FIGNL2: variants seen among roughly 807,000 people sequenced by gnomAD.
FIGNL2 encodes fidgetin-like protein 2.
For synonymous variants in FIGNL2, 565 were observed against 484.0 expected, an observed-to-expected ratio of 1.17 and a Z score of -2.20; for missense variants, 1,060 against 950.2, an observed-to-expected ratio of 1.12 and a Z score of -1.52.
At chr12:51,836,425 G>A (rs1489800345) in intron 1 of FIGNL2, among the ~76,000 whole-genome samples, 1 of 150,534 alleles carries the variant, frequency 6.6e-6, no homozygotes, top group Non-Finnish European at 1.5e-5. Flanking sequence ...AGGGAGAAAC[G>A]TGACCACAGT....
intron 1 of FIGNL2, chr12:51,831,768 C>G (rs949752959): frequency 6.5e-6 from 1 of 154,424 alleles, no homozygotes. Context: ...TGATCCATTT[C>G]CCTCTCTGCT....
chr12:51,824,504 A>G (rs776562335), intron 1 of FIGNL2: 7 of 152,214 alleles, frequency 4.6e-5, no homozygotes, highest in Non-Finnish European at 8.8e-5. Context: ...TGTAGCTTAA[A>G]AAGGAAGGTA....
intron 1 of FIGNL2, among the ~76,000 whole-genome samples, chr12:51,846,282 C>G (rs1277023488): frequency 6.6e-6 from 1 of 152,194 alleles, no homozygotes; most frequent in African/African-American, 2.4e-5. Flanking sequence ...GTGACAGAAG[C>G]TCGGGGCTGG....
chr12:51,844,571 G>A (rs1939712495), intron 1 of FIGNL2: 2 of 479,564 alleles, frequency 4.2e-6, no homozygotes, highest in Non-Finnish European at 5.4e-6. Flanking sequence ...ACAATATCCT[G>A]CTTAGGAGGT....
chr12:51,846,975 AC>A, intron 1 of FIGNL2: 1 of 982,514 alleles, frequency 1.0e-6, no homozygotes, highest in Non-Finnish European at 1.2e-6. Flanking sequence ...CAGCCCAGCC[AC>A]CCCAGCAAGC....
chr12:51,826,847 G>A (rs1201061314), intron 1 of FIGNL2, among the ~76,000 whole-genome samples: 1 of 152,180 alleles, frequency 6.6e-6, no homozygotes, highest in Admixed American at 6.5e-5. Flanking sequence ...CTGCACACAG[G>A]CCCAGAACGA....
chr12:51,823,050 C>T (rs547594454), intron 1 of FIGNL2, among the ~76,000 whole-genome samples: 1 of 152,306 alleles, frequency 6.6e-6, no homozygotes, highest in South Asian at 2.1e-4. Flanking sequence ...ACTGCCTTAT[C>T]CATGGGAAAC....
chr12:51,827,620 G>A (rs1948934796), intron 1 of FIGNL2, among the ~76,000 whole-genome samples: 1 of 152,144 alleles, frequency 6.6e-6, no homozygotes. Flanking sequence ...TCCAGTGTGG[G>A]GCACAAATTA....
chr12:51,843,348 C>T (rs1305481181), intron 1 of FIGNL2, among the ~76,000 whole-genome samples: 3 of 150,362 alleles, frequency 2.0e-5, no homozygotes, highest in Admixed American at 6.7e-5. Flanking sequence ...ACCAGCTTGG[C>T]CAACATGGCA....
intron 1 of FIGNL2, among the ~76,000 whole-genome samples, chr12:51,832,539 C>T (rs552278732): frequency 6.6e-6 from 1 of 152,208 alleles, no homozygotes; most frequent in Middle Eastern, 3.4e-3. Context: ...CTGCGCTCTC[C>T]TGGCCCCTGC....
In FIGNL2 at chr12:51,822,089, C is replaced by A. The variant is rs768965788; in HGVS notation, c.325G>T (p.Ala109Ser). ...WPGPEPPYPL[A>S]SLHEGLPGTK... ...CCTGGGAGGCCTTCGTGGAGTGAGGCCAAGGGGTAGGGTGGCTCCGGCCCT... is the reference window on the plus strand; with the variant it reads ...CCTGGGAGGCCTTCGTGGAGTGAGGACAAGGGGTAGGGTGGCTCCGGCCCT... The change falls in exon 2 of 2, where the codon GCC becomes TCC. Residue 109 changes from alanine to serine, a missense_variant. Transcript: ENST00000618634. 2 of 1,611,196 alleles carry A rather than the reference C, an allele frequency of 1.2e-6. No homozygotes were observed. The highest frequency in any genetic ancestry group is 1.7e-6 in the Non-Finnish European group (2 of 1,178,908).
At position 51,820,192 on chromosome 12, in the gene FIGNL2, G is replaced by A. The variant is rs902650747; in HGVS notation, c.*260C>T. 6.2e-6 allele frequency: 3 copies of A among 483,574 alleles called. No individual in the cohort carries two copies. The highest frequency in any genetic ancestry group is 1.1e-3 in the Middle Eastern group (2 of 1,840). The allele number at this position is 483,574 out of a possible 1,614,324, so 30.0% of individuals were successfully genotyped here. ...GTGCCAGCCCATGCCGGATCTGCCC[G>A]GTCTGCCGGGCGGAGATGGCGAGCT... On this transcript the variant is annotated 3_prime_UTR_variant, in exon 2 of 2. Coordinates refer to ENST00000618634, the MANE Select transcript of FIGNL2 (RefSeq NM_001384995.1).
At chr12:51,839,701 G>T (rs535614641) in intron 1 of FIGNL2, among the ~76,000 whole-genome samples, 22 of 152,306 alleles carry the variant, frequency 1.4e-4, no homozygotes, top group Admixed American at 1.1e-3. Context: ...GTGCCCCGAA[G>T]CATGTTCCAG....
At chr12:51,823,030 C>G (rs1323040057) in intron 1 of FIGNL2, among the ~76,000 whole-genome samples, 2 of 152,210 alleles carry the variant, frequency 1.3e-5, no homozygotes, top group Non-Finnish European at 2.9e-5. Flanking sequence ...GAGATGCTGG[C>G]GTGTATGGGA....
At position 51,818,545 on chromosome 12, in the gene FIGNL2, G is replaced by C. The variant is rs1422256311; in HGVS notation, c.*1907C>G. On this transcript the variant is annotated 3_prime_UTR_variant, in exon 2 of 2. Coordinates refer to ENST00000618634, the MANE Select transcript of FIGNL2 (RefSeq NM_001384995.1). ...GGGGGCCAGAAAGCAACGGGGGTGGGGGGGAACAGAGCAGCCTTCTGGTCA... is the reference window on the plus strand; with the variant it reads ...GGGGGCCAGAAAGCAACGGGGGTGGCGGGGAACAGAGCAGCCTTCTGGTCA... The C allele has an allele frequency of 1.3e-5, 2 of 152,506 alleles. No individual in the cohort carries two copies. The highest frequency in any genetic ancestry group is 3.9e-4 in the East Asian group (2 of 5,168). The allele number at this position is 152,506 out of a possible 1,614,324, so 9.4% of individuals were successfully genotyped here.
Position 51,820,554 on chromosome 12 carries a change from G to A in FIGNL2, c.1860C>T (p.Tyr620=), listed in dbSNP as rs1335396256. The change falls in exon 2 of 2, where the codon TAC becomes TAT. Residue 620 remains tyrosine (Y), a synonymous_variant. Coordinates refer to ENST00000618634, the MANE Select transcript of FIGNL2 (RefSeq NM_001384995.1). ...TGGCCAGCGCCGCCTCCAGGTCCTT[G>A]TAGGAGAGGGGGCGCTGCAGCCCCG... is the stretch of plus-strand genomic sequence containing the variant. ...GLPGLQRPLS[Y]KDLEAALAKV... 1 of 1,539,190 alleles carries A rather than the reference G, an allele frequency of 6.5e-7. No homozygotes were observed. The highest frequency in any genetic ancestry group is 1.4e-5 in the African/African-American group (1 of 72,728).
intron 1 of FIGNL2, among the ~76,000 whole-genome samples, chr12:51,834,122 T>TGGAA (rs1324592122): frequency 2.9e-5 from 4 of 137,770 alleles, no homozygotes; most frequent in African/African-American, 1.1e-4. Context: ...GATGGATGGA[T>TGGAA]GGATGGATGG....
chr12:51,832,429 C>A (rs780622852), intron 1 of FIGNL2, among the ~76,000 whole-genome samples: 6 of 151,970 alleles, frequency 3.9e-5, no homozygotes, highest in Non-Finnish European at 8.8e-5. Context: ...CCTCTTGAAC[C>A]CCTTCCAAGC....
chr12:51,836,978 C>T (rs1457937757), intron 1 of FIGNL2, among the ~76,000 whole-genome samples: 8 of 152,152 alleles, frequency 5.3e-5, no homozygotes, highest in African/African-American at 1.9e-4. Flanking sequence ...AATCACAGCA[C>T]TGAGGAGTAA....
Sources: gnomAD v4.1 joint callset for allele counts (sites outside exome capture counted in the v4.1 genomes callset) on GRCh38, gnomAD v4.1.1 for gene constraint, MANE v1.5 for transcripts, NCBI Gene and HGNC (gene_info 2026-07-23, HGNC 2026-07-21) for gene names.